PWP1: variants seen among roughly 807,000 people sequenced by gnomAD.
PWP1 encodes the protein periodic tryptophan protein 1 homolog.
PWP1 carries 47 observed loss-of-function variants against 69.9 expected under a neutral mutation model. That is an observed-to-expected ratio of 0.67 (90% confidence interval 0.53 to 0.86). The LOEUF (loss-of-function observed/expected upper bound fraction) is 0.86. Ranked by LOEUF, PWP1 falls within the 40% of genes least tolerant of loss-of-function variation. The probability of loss-of-function intolerance (pLI) is 0.00; values close to 1 mark genes in which losing one functional copy is unlikely to be tolerated. For synonymous variants in PWP1, 222 were observed against 208.2 expected, an observed-to-expected ratio of 1.07 and a Z score of -0.57; for missense variants, 551 against 608.8, an observed-to-expected ratio of 0.91 and a Z score of 1.00.
At chr12:107,693,931 A>G (rs573485604) in intron 5 of PWP1, among the ~76,000 whole-genome samples, 1 of 152,316 alleles carries the variant, frequency 6.6e-6, no homozygotes, top group South Asian at 2.1e-4. Context: ...CTAATAATTC[A>G]ACACAAAGGG....
chr12:107,686,856 C>T (rs1294240582), intron 1 of PWP1, among the ~76,000 whole-genome samples: 1 of 151,514 alleles, frequency 6.6e-6, no homozygotes, highest in Non-Finnish European at 1.5e-5. Flanking sequence ...GTCCCAGCTA[C>T]TCGGGAGGCT....
intron 3 of PWP1, chr12:107,692,572 C>A: frequency 2.2e-6 from 1 of 456,688 alleles, no homozygotes. Flanking sequence ...TTCCCTGATA[C>A]AGTTCTTTCA....
chr12:107,712,162 A>C lies in PWP1; in HGVS notation c.1448A>C (p.Asn483Thr), dbSNP rs1309285946. The change falls in exon 15 of 15, where the codon AAT (asparagine) becomes ACT (threonine). Residue 483 changes from asparagine (N) to threonine (T), a missense_variant. Coordinates refer to ENST00000412830, the MANE Select transcript of PWP1 (RefSeq NM_007062.3). The part of the protein sequence containing the change: ...RERLVLGSAR[N>T]SSISGPFGSR... ...AGGCTTGTTCTTGGGAGTGCAAGAA[A>C]TTCATCTATTAGTGGCCCTTTTGGC... is the stretch of plus-strand genomic sequence containing the variant. The C allele has an allele frequency of 2.5e-6, 4 of 1,614,090 alleles. No homozygotes were observed. Among genetic ancestry groups the C allele is most frequent in the Non-Finnish European group, 3.4e-6 (4 of 1,179,958 alleles).
intron 11 of PWP1, among the ~76,000 whole-genome samples, chr12:107,707,278 A>G (rs1054226043): frequency 2.6e-5 from 4 of 152,218 alleles, no homozygotes; most frequent in Non-Finnish European, 4.4e-5. Flanking sequence ...GTTGCTTATC[A>G]GCTTAAGGAG....
intron 3 of PWP1, chr12:107,692,539 T>C (rs1889500331): frequency 6.2e-6 from 2 of 322,504 alleles, no homozygotes; most frequent in Admixed American, 4.7e-5. Flanking sequence ...AAGAGAGTTC[T>C]CATATTTTCT....
chr12:107,699,620 G>T (rs951271327), intron 8 of PWP1, among the ~76,000 whole-genome samples, 186 bp downstream of exon 8: 2 of 152,138 alleles, frequency 1.3e-5, no homozygotes, highest in African/African-American at 4.8e-5. Flanking sequence ...TCACCTGCCA[G>T]CTCATCACTG....
chr12:107,704,381 T>C (rs1889771490), intron 10 of PWP1, among the ~76,000 whole-genome samples: 1 of 152,178 alleles, frequency 6.6e-6, no homozygotes, highest in South Asian at 2.1e-4. Context: ...AGGATTCTTC[T>C]TGCGAGTGGA....
At chr12:107,704,788 T>G (rs1410773808) in intron 11 of PWP1, 41 bp downstream of exon 11, 1 of 1,512,910 alleles carries the variant, frequency 6.6e-7, no homozygotes, top group East Asian at 2.3e-5. Flanking sequence ...TCTAGGTTGC[T>G]AATGACTTTT....
In PWP1 at chr12:107,712,252, C is replaced by T. The variant is rs1228021089; in HGVS notation, c.*32C>T. 1 of 1,562,266 alleles carries T rather than the reference C, an allele frequency of 6.4e-7. No individual in the cohort carries two copies. Among genetic ancestry groups the T allele is most frequent in the Non-Finnish European group, 8.8e-7 (1 of 1,135,006 alleles). Reference sequence around the variant, plus strand: ...TCATCTAATTTCCTGCTTACCTTAACTGGGAATTTTAAAAAGTTGGCCTAA... The same window carrying T: ...TCATCTAATTTCCTGCTTACCTTAATTGGGAATTTTAAAAAGTTGGCCTAA... On this transcript the variant is annotated 3_prime_UTR_variant, in exon 15 of 15. Transcript: ENST00000412830.
intron 14 of PWP1, among the ~76,000 whole-genome samples, chr12:107,711,423 C>CATATCTTAA (rs1889950254): frequency 6.6e-6 from 1 of 152,134 alleles, no homozygotes; most frequent in Non-Finnish European, 1.5e-5. Flanking sequence ...TTAACAAATA[C>CATATCTTAA]ATATCTTAAA....
At chr12:107,688,048 AAAAAAAAAAAAAG>A (rs1313419285) in intron 1 of PWP1, among the ~76,000 whole-genome samples, 7 of 149,844 alleles carry the variant, frequency 4.7e-5, no homozygotes, top group Non-Finnish European at 1.0e-4. Context: ...AAAAAAAAAA[AAAAAAAAAAAAAG>A]AACAGAGGAC....
In PWP1 at chr12:107,688,440, T is replaced by C; in HGVS notation, c.73-8T>C. On this transcript the variant is annotated splice_polypyrimidine_tract_variant and splice_region_variant and intron_variant, in intron 1 of 14. Transcript: ENST00000412830. ...ACATATTGTAATGAAATCTTTGCTC[T>C]CTTACAGGTAGAGCTGAGTAAAGAA... 1 of 1,601,654 alleles carries C rather than the reference T, an allele frequency of 6.2e-7. No homozygotes were observed. The highest frequency in any genetic ancestry group is 1.3e-5 in the African/African-American group (1 of 74,216).
intron 13 of PWP1, among the ~76,000 whole-genome samples, chr12:107,709,798 T>C (rs1249723786): frequency 6.6e-6 from 1 of 152,000 alleles, no homozygotes; most frequent in Non-Finnish European, 1.5e-5. Context: ...TGAATAAATA[T>C]ATATAAATAT....
At position 107,702,953 on chromosome 12, in the gene PWP1, A is replaced by C. The variant is rs139376750; in HGVS notation, c.825A>C (p.Ala275=). Residue 275 remains alanine (A), a synonymous_variant, in exon 9 of 15, where the codon GCA becomes GCC. Coordinates refer to ENST00000412830, the MANE Select transcript of PWP1 (RefSeq NM_007062.3). The part of the protein sequence containing the change: ...NKLIRNVLAS[A]SADNTVILWD... ...TTCTCAGAAATGTTTTAGCAAGTGCATCAGCTGACAACACTGTAATTCTGT... is the reference window on the plus strand; with the variant it reads ...TTCTCAGAAATGTTTTAGCAAGTGCCTCAGCTGACAACACTGTAATTCTGT... 5 of 1,609,430 alleles carry C rather than the reference A, an allele frequency of 3.1e-6. No individual in the cohort carries two copies. The South Asian group carries it at 5.5e-5, about 18-fold the overall frequency.
At chr12:107,703,427 T>G (rs1408128904) in intron 9 of PWP1, among the ~76,000 whole-genome samples, 1 of 152,252 alleles carries the variant, frequency 6.6e-6, no homozygotes, top group Non-Finnish European at 1.5e-5. Flanking sequence ...CTTTTTCTTC[T>G]GAGTATCTTC....
chr12:107,693,013 G>T lies in PWP1; in HGVS notation c.419G>T (p.Arg140Leu), dbSNP rs1367942238. 1.2e-6 allele frequency: 2 copies of T among 1,614,086 alleles called. No individual in the cohort carries two copies. The highest frequency in any genetic ancestry group is 1.7e-6 in the Non-Finnish European group (2 of 1,180,016). The change falls in exon 5 of 15, where the codon CGT becomes CTT. Residue 140 changes from arginine to leucine, a missense_variant. Arg to Leu is a moderately radical substitution (Grantham distance 102). Coordinates refer to ENST00000412830, the MANE Select transcript of PWP1 (RefSeq NM_007062.3). ...VTLKDTEQYEREDFLIKPSDN... is the reference protein window; with the variant it reads ...VTLKDTEQYELEDFLIKPSDN... ...CCTCTCACTTAGGAACAATATGAAC[G>T]TGAAGATTTCTTGATTAAGCCCAGT...
intron 3 of PWP1, among the ~76,000 whole-genome samples, chr12:107,691,301 G>A (rs963411081): frequency 6.6e-6 from 1 of 152,232 alleles, no homozygotes; most frequent in East Asian, 1.9e-4. Context: ...AGGTGGATGG[G>A]CAGTTGCTGG....
chr12:107,698,034 T>C (rs577104364), intron 7 of PWP1, among the ~76,000 whole-genome samples: 3 of 152,354 alleles, frequency 2.0e-5, no homozygotes, highest in East Asian at 3.9e-4. Context: ...GGGAGCTATA[T>C]TGATACTTGT....
chr12:107,696,690 A>G, intron 6 of PWP1, 106 bp downstream of exon 6: 1 of 1,509,280 alleles, frequency 6.6e-7, no homozygotes, highest in Non-Finnish European at 8.9e-7. Flanking sequence ...TGTTGCTGAT[A>G]TTTTCTGAAG....
Sources: allele counts gnomAD v4.1 joint callset (sites outside exome capture counted in the v4.1 genomes callset), GRCh38; gene constraint gnomAD v4.1.1; transcripts MANE v1.5; gene names NCBI Gene and HGNC (gene_info 2026-07-23, HGNC 2026-07-21).